Variants in PTPRD observed in about 807,000 individuals in gnomAD.
PTPRD encodes the protein receptor-type tyrosine-protein phosphatase delta.
A neutral mutation model predicts 214.5 loss-of-function variants in PTPRD; 34 were observed. The observed-to-expected ratio is 0.16, with a 90% CI of 0.12 to 0.21. The LOEUF (loss-of-function observed/expected upper bound fraction) is 0.21. Among genes scored for constraint, PTPRD ranks in the 10% least tolerant of loss-of-function variants. The pLI is 1.00. For missense variants in PTPRD, 2,545 were observed against 2,398.7 expected (o/e 1.06, Z -1.27); for synonymous variants, 1,128 against 845.7 (o/e 1.33, Z -5.79).
chr9:9,254,946 T>C (rs2099977088), intron 9 of PTPRD, among the ~76,000 whole-genome samples: 1 of 152,056 alleles, frequency 6.6e-6, no homozygotes, highest in Non-Finnish European at 1.5e-5. Context: ...CTCTAAAATA[T>C]CCATTATTCA....
At chr9:8,555,699 T>TCAGG (rs1251951590) in intron 14 of PTPRD, among the ~76,000 whole-genome samples, 4 of 152,168 alleles carry the variant, frequency 2.6e-5, no homozygotes, top group Non-Finnish European at 4.4e-5. Context: ...TTTCCTATAG[T>TCAGG]CAGGCAGGGA....
At chr9:10,338,332 C>A (rs752379878) in intron 3 of PTPRD, among the ~76,000 whole-genome samples, 2 of 151,676 alleles carry the variant, frequency 1.3e-5, no homozygotes, top group South Asian at 4.2e-4. Flanking sequence ...GAGACAGTTG[C>A]CTGAAATTTA....
intron 11 of PTPRD, among the ~76,000 whole-genome samples, chr9:8,768,706 A>C (rs1159568886): frequency 1.3e-5 from 2 of 152,174 alleles, no homozygotes; most frequent in African/African-American, 4.8e-5. Flanking sequence ...CATAAAACTT[A>C]CTTTCCTTCT....
At chr9:9,556,809 G>A (rs985981686) in intron 8 of PTPRD, among the ~76,000 whole-genome samples, 27 of 152,110 alleles carry the variant, frequency 1.8e-4, no homozygotes, top group Non-Finnish European at 3.7e-4. Flanking sequence ...GATGATGATG[G>A]AGTGAAGCCT....
chr9:8,822,251 TG>T (rs2097084248), intron 11 of PTPRD, among the ~76,000 whole-genome samples: 1 of 152,204 alleles, frequency 6.6e-6, no homozygotes, highest in African/African-American at 2.4e-5. Context: ...CTTTGATTTT[TG>T]CCCCTGGAAC....
At chr9:9,732,930 A>G (rs2098224910) in intron 7 of PTPRD, among the ~76,000 whole-genome samples, 1 of 152,096 alleles carries the variant, frequency 6.6e-6, no homozygotes, top group African/African-American at 2.4e-5. Flanking sequence ...AAAATTACTA[A>G]GAAAAAATAT....
intron 3 of PTPRD, among the ~76,000 whole-genome samples, chr9:10,192,240 G>C (rs2099366996): frequency 6.6e-6 from 1 of 151,982 alleles, no homozygotes; most frequent in Admixed American, 6.6e-5. Context: ...GATTTTTGGA[G>C]TGTCACTGAA....
chr9:10,267,338 G>A (rs1294457218), intron 3 of PTPRD, among the ~76,000 whole-genome samples: 4 of 152,108 alleles, frequency 2.6e-5, no homozygotes, highest in African/African-American at 7.2e-5. Context: ...GAACACTAGC[G>A]TCTTGACACT....
intron 9 of PTPRD, among the ~76,000 whole-genome samples, chr9:9,292,996 G>T (rs770507956): frequency 2.0e-5 from 3 of 151,588 alleles, no homozygotes; most frequent in East Asian, 2.0e-4. Flanking sequence ...GGTAGTGCTT[G>T]TTAGCTTTCT....
At position 9,074,926 on chromosome 9, in the gene PTPRD, A is replaced by G. The variant is rs1425121298; in HGVS notation, c.-142-56191T>C. 2.0e-5 allele frequency among the ~76,000 whole-genome samples: 3 copies of G among 151,840 alleles called. No homozygotes were observed. The East Asian group carries it at 5.8e-4, about 29-fold the overall frequency. The stretch of plus-strand genomic sequence containing the variant: ...TTGGGCAAAAAAAAAAAAGTCCTAT[A>G]TTATCCTATCATGTACCTTATCACA... On this transcript the variant is annotated intron_variant, in intron 10 of 45. Coordinates refer to ENST00000381196, the MANE Select transcript of PTPRD (RefSeq NM_002839.4).
intron 14 of PTPRD, among the ~76,000 whole-genome samples, chr9:8,534,788 T>C (rs1372837008): frequency 6.6e-6 from 1 of 151,748 alleles, no homozygotes; most frequent in Non-Finnish European, 1.5e-5. Flanking sequence ...TCTCGGAAAA[T>C]TTAAATACAC....
intron 3 of PTPRD, among the ~76,000 whole-genome samples, chr9:10,073,081 A>G (rs2098061056): frequency 6.6e-6 from 1 of 152,152 alleles, no homozygotes; most frequent in Non-Finnish European, 1.5e-5. Context: ...GGTGACAGGT[A>G]AAACTATAGA....
chr9:9,878,369 C>G (rs1440715497), intron 5 of PTPRD, among the ~76,000 whole-genome samples: 1 of 152,078 alleles, frequency 6.6e-6, no homozygotes, highest in African/African-American at 2.4e-5. Context: ...ATCACAATCA[C>G]TGGGAATGCT....
chr9:8,713,276 C>A, intron 12 of PTPRD: 1 of 676,978 alleles, frequency 1.5e-6, no homozygotes, highest in Non-Finnish European at 2.6e-6. Flanking sequence ...ATCCACTGAG[C>A]TTTTGCGGGT....
At chr9:10,113,501 A>G (rs1304330215) in intron 3 of PTPRD, among the ~76,000 whole-genome samples, 1 of 152,202 alleles carries the variant, frequency 6.6e-6, no homozygotes, top group African/African-American at 2.4e-5. Context: ...GAGACTTTGT[A>G]TTAGAGATAA....
At chr9:10,025,198 A>G (rs965074478) in intron 4 of PTPRD, among the ~76,000 whole-genome samples, 1 of 152,132 alleles carries the variant, frequency 6.6e-6, no homozygotes, top group Admixed American at 6.5e-5. Context: ...TCCCTGAGGA[A>G]TCGCCACACT....
intron 11 of PTPRD, among the ~76,000 whole-genome samples, chr9:8,949,098 C>T (rs1195303619): frequency 6.6e-6 from 1 of 151,170 alleles, no homozygotes; most frequent in African/African-American, 2.4e-5. Flanking sequence ...GTGGCGGGCA[C>T]CTGTAATCCC....
chr9:8,833,369 A>C (rs1177294685), intron 11 of PTPRD, among the ~76,000 whole-genome samples: 2 of 152,094 alleles, frequency 1.3e-5, no homozygotes, highest in African/African-American at 4.8e-5. Flanking sequence ...CAGGCAGAGA[A>C]ATGAGAAAGA....
chr9:8,625,901 C>CA (rs1404431214), intron 14 of PTPRD, among the ~76,000 whole-genome samples: 3 of 149,694 alleles, frequency 2.0e-5, no homozygotes, highest in African/African-American at 7.3e-5. Context: ...CTATCTTTAA[C>CA]AAAACATATT....
Sources: gnomAD v4.1 joint callset for allele counts (sites outside exome capture counted in the v4.1 genomes callset) on GRCh38, gnomAD v4.1.1 for gene constraint, MANE v1.5 for transcripts, NCBI Gene and HGNC (gene_info 2026-07-23, HGNC 2026-07-21) for gene names.